Variants in DYRK3 observed in about 807,000 individuals in gnomAD.
The protein encoded by DYRK3 is dual specificity tyrosine-phosphorylation-regulated kinase 3.
Under a neutral mutation model 40.8 loss-of-function variants are expected in DYRK3, and 30 were observed. The ratio of observed to expected loss-of-function variants is 0.74; its 90% CI spans 0.55 to 1.00. DYRK3 has a LOEUF of 1.00. DYRK3 is among the 50% of genes least tolerant of loss of function. The pLI is 0.00. For missense variants in DYRK3, 699 were observed against 731.5 expected, an observed-to-expected ratio of 0.96 and a Z score of 0.51; for synonymous variants, 272 against 260.7, an observed-to-expected ratio of 1.04 and a Z score of -0.42.
chr1:206,644,031 C>CTTTTTT (rs556718022), intron 2 of DYRK3, among the ~76,000 whole-genome samples: 2,317 of 100,904 alleles, frequency 0.023, 240 homozygotes, highest in African/African-American at 0.039. Flanking sequence ...GGACCTACAG[C>CTTTTTT]TTTTTTTTTT....
In DYRK3 at chr1:206,648,107, GTT is replaced by G. The variant is rs782387740; in HGVS notation, c.911_912del (p.Phe304SerfsTer4). 6.2e-7 allele frequency: 1 copy of G among 1,614,076 alleles called. No homozygotes were observed. Among genetic ancestry groups the G allele is most frequent in the Non-Finnish European group, 8.5e-7 (1 of 1,180,012 alleles). ...TTTATGAGCTGATTAAAAAAAATAA[GTT>G]TCAGGGTTTTAGCGTCCAGTTGGTA... Reference protein sequence around the residue: ...DLYELIKKNKFQGFSVQLVRK... With the variant: ...DLYELIKKNKXQGFSVQLVRK... On this transcript the variant is annotated frameshift_variant, in exon 3 of 3. Transcript: ENST00000367109. LOFTEE classifies it high-confidence loss of function.
chr1:206,635,540 C>T lies in DYRK3; in HGVS notation c.-164C>T. The T allele has an allele frequency of 9.5e-6, 9 of 946,840 alleles. No individual in the cohort carries two copies. The highest frequency in any genetic ancestry group is 1.2e-5 in the Non-Finnish European group (9 of 728,682). 58.7% of individuals were successfully genotyped at this position (946,840 alleles called of 1,614,324 possible). The stretch of plus-strand genomic sequence containing the variant: ...CCCCTGGAGCTGCGTCTCCCCACTT[C>T]CCAGCCGGGGCCAGTCGGGAGCGAA... On this transcript the variant is annotated 5_prime_UTR_variant, in exon 1 of 3. Transcript: ENST00000367109.
In DYRK3 at chr1:206,637,786, T is replaced by C. The variant is rs80147352; in HGVS notation, c.189+25T>C. 4,230 of 1,557,192 alleles carry C rather than the reference T, an allele frequency of 2.7e-3. 95 individuals carry two copies. The African/African-American group carries it at 0.049, about 18-fold the overall frequency. On this transcript the variant is annotated intron_variant, in intron 2 of 2. Transcript: ENST00000367109. The stretch of plus-strand genomic sequence containing the variant: ...TGTAAGTAAAAGAAGTCATTCTTTG[T>C]ACATGAATTGTTTTGGAAAGGAGGA...
intron 2 of DYRK3, among the ~76,000 whole-genome samples, chr1:206,644,569 C>A (rs1553419800): frequency 6.6e-6 from 1 of 152,130 alleles, no homozygotes; most frequent in Non-Finnish European, 1.5e-5. Flanking sequence ...CAAATTTATT[C>A]CCTAATAGAT....
intron 1 of DYRK3, chr1:206,636,045 T>C: frequency 1.4e-6 from 2 of 1,480,548 alleles, no homozygotes; most frequent in South Asian, 2.6e-5. Context: ...TCTGAAACCC[T>C]AGATCGGGGT....
intron 2 of DYRK3, among the ~76,000 whole-genome samples, chr1:206,639,761 A>G (rs1237051477): frequency 6.6e-6 from 1 of 151,768 alleles, no homozygotes; most frequent in African/African-American, 2.4e-5. Flanking sequence ...CGCCCAGCCA[A>G]GTCATTTTTA....
chr1:206,651,585 T>G lies in DYRK3; in HGVS notation c.*2620T>G, dbSNP rs951567695. Among the ~76,000 whole-genome samples the G allele has an allele frequency of 6.6e-6, 1 of 152,218 alleles. No individual in the cohort carries two copies. Among genetic ancestry groups the G allele is most frequent in the African/African-American group, 2.4e-5 (1 of 41,460 alleles). On this transcript the variant is annotated 3_prime_UTR_variant, in exon 3 of 3. Transcript: ENST00000367109. Reference sequence around the variant, plus strand: ...CTCTTTCAGTAGATATGAGCTTACATTGACTTATGAATGGTTTTCCTGTAG... The same window carrying G: ...CTCTTTCAGTAGATATGAGCTTACAGTGACTTATGAATGGTTTTCCTGTAG...
chr1:206,639,030 G>T (rs1671201848), intron 2 of DYRK3, among the ~76,000 whole-genome samples: 1 of 151,908 alleles, frequency 6.6e-6, no homozygotes, highest in Non-Finnish European at 1.5e-5. Flanking sequence ...ACAGGCGACT[G>T]CCACCACACC....
Position 206,652,379 on chromosome 1 carries a change from C to T in DYRK3, c.*3414C>T, listed in dbSNP as rs559421108. Among the ~76,000 whole-genome samples the T allele has an allele frequency of 2.0e-5, 3 of 152,204 alleles. No individual in the cohort carries two copies. Among genetic ancestry groups the T allele is most frequent in the African/African-American group, 7.2e-5 (3 of 41,514 alleles). ...AGTTCTAGCCAGTACTGTGCCTGAACTTGGGAGAGAAAGGGGCCTGTGGCT... is the reference window on the plus strand; with the variant it reads ...AGTTCTAGCCAGTACTGTGCCTGAATTTGGGAGAGAAAGGGGCCTGTGGCT... On this transcript the variant is annotated 3_prime_UTR_variant, in exon 3 of 3. Coordinates refer to ENST00000367109, the MANE Select transcript of DYRK3 (RefSeq NM_003582.4).
At chr1:206,637,589 A>C in intron 1 of DYRK3, 61 bp from the exon 2 acceptor site, 1 of 1,165,918 alleles carries the variant, frequency 8.6e-7, no homozygotes, top group Non-Finnish European at 1.3e-6. Context: ...GAAGCAGTTA[A>C]GACATAGGAT....
chr1:206,637,776 T>A lies in DYRK3; in HGVS notation c.189+15T>A. The A allele has an allele frequency of 6.4e-7, 1 of 1,572,898 alleles. No homozygotes were observed. The highest frequency in any genetic ancestry group is 1.1e-5 in the South Asian group (1 of 90,086). On this transcript the variant is annotated intron_variant, in intron 2 of 2. Transcript: ENST00000367109. ...GAAGACTAAATGTAAGTAAAAGAAG[T>A]CATTCTTTGTACATGAATTGTTTTG...
At chr1:206,647,191 C>T (rs1671479695) in intron 2 of DYRK3, among the ~76,000 whole-genome samples, 197 bp from the exon 3 acceptor site, 2 of 151,988 alleles carry the variant, frequency 1.3e-5, no homozygotes, top group Non-Finnish European at 1.5e-5. Context: ...TAGGGATGGC[C>T]GCAATATTCA....
Position 206,648,170 on chromosome 1 carries a change from T to A in DYRK3, c.972T>A (p.Asp324Glu). The A allele has an allele frequency of 6.2e-7, 1 of 1,614,150 alleles. No homozygotes were observed. The highest frequency in any genetic ancestry group is 8.5e-7 in the Non-Finnish European group (1 of 1,180,024). ...CCCAGTCCATCTTGCAATCTTTGGATGCCCTCCACAAAAATAAGATTATTC... is the reference window on the plus strand; with the variant it reads ...CCCAGTCCATCTTGCAATCTTTGGAAGCCCTCCACAAAAATAAGATTATTC... The part of the protein sequence containing the change: ...KFAQSILQSL[D>E]ALHKNKIIHC... Residue 324 changes from aspartate to glutamate, a missense_variant, in exon 3 of 3, where the codon GAT (aspartate) becomes GAA (glutamate). Asp to Glu is a conservative substitution (Grantham distance 45). Coordinates refer to ENST00000367109, the MANE Select transcript of DYRK3 (RefSeq NM_003582.4).
At position 206,648,899 on chromosome 1, in the gene DYRK3, T is replaced by C. The variant is rs1314350128; in HGVS notation, c.1701T>C (p.Ala567=). ...TTGGAATAGCCAATAAGCTTAAAGC[T>C]AACTTAATGTCAGAAACCAATGGTA... ...PVVGIANKLK[A]NLMSETNGSI... The change falls in exon 3 of 3, where the codon GCT becomes GCC. Residue 567 remains alanine, a synonymous_variant. Transcript: ENST00000367109. 3.7e-6 allele frequency: 6 copies of C among 1,614,078 alleles called. No homozygotes were observed. The highest frequency in any genetic ancestry group is 1.7e-5 in the Admixed American group (1 of 60,004).
Position 206,651,944 on chromosome 1 carries a change from C to G in DYRK3, c.*2979C>G, listed in dbSNP as rs536767826. On this transcript the variant is annotated 3_prime_UTR_variant, in exon 3 of 3. Coordinates refer to ENST00000367109, the MANE Select transcript of DYRK3 (RefSeq NM_003582.4). ...CCTTGGGATGTTTGGACAGAATGAT[C>G]TGGCTTGATGTATTTCTTGGGCTCT... 1.6e-4 allele frequency among the ~76,000 whole-genome samples: 25 copies of G among 152,350 alleles called. No homozygotes were observed. The highest frequency in any genetic ancestry group is 1.5e-3 in the Admixed American group (23 of 15,298).
intron 2 of DYRK3, among the ~76,000 whole-genome samples, chr1:206,639,742 A>C (rs1212748075): frequency 6.6e-6 from 1 of 151,408 alleles, no homozygotes; most frequent in Non-Finnish European, 1.5e-5. Flanking sequence ...TTACAGGCGC[A>C]AGCCACCGCG....
rs1671593263 is a variant in DYRK3, at chr1:206,650,116, GA to G, written c.*1152del. Among the ~76,000 whole-genome samples, 1 of 152,230 alleles carries G rather than the reference GA, an allele frequency of 6.6e-6. No homozygotes were observed. The highest frequency in any genetic ancestry group is 2.4e-5 in the African/African-American group (1 of 41,450). On this transcript the variant is annotated 3_prime_UTR_variant, in exon 3 of 3. Coordinates refer to ENST00000367109, the MANE Select transcript of DYRK3 (RefSeq NM_003582.4). Reference sequence around the variant, plus strand: ...TGCTAAGATTTAAACAGTGAGGGCTGATAATAAAACTAATTGTTAAGCCAGT... The same window carrying G: ...TGCTAAGATTTAAACAGTGAGGGCTGTAATAAAACTAATTGTTAAGCCAGT...
rs1553420856 is a variant in DYRK3, at chr1:206,648,770, G to A, written c.1572G>A (p.Lys524=). The change falls in exon 3 of 3, where the codon AAG becomes AAA. Residue 524 remains lysine, a synonymous_variant. Coordinates refer to ENST00000367109, the MANE Select transcript of DYRK3 (RefSeq NM_003582.4). ...AQALRHPWIS[K]SVPRPLTTID... is the part of the protein sequence containing the mutation. The stretch of plus-strand genomic sequence containing the variant: ...CATTAAGACACCCTTGGATTAGCAA[G>A]TCTGTCCCCAGACCTCTCACCACCA... 1.2e-6 allele frequency: 2 copies of A among 1,614,188 alleles called. No homozygotes were observed. The highest frequency in any genetic ancestry group is 1.7e-6 in the Non-Finnish European group (2 of 1,180,022).
Position 206,647,860 on chromosome 1 carries a change from G to A in DYRK3, c.662G>A (p.Gly221Glu). ...VLKIIGKGSF[G>E]QVARVYDHKL... ...AAAATTATTGGCAAGGGGAGTTTTGGGCAGGTGGCCAGGGTCTATGATCAC... is the reference window on the plus strand; with the variant it reads ...AAAATTATTGGCAAGGGGAGTTTTGAGCAGGTGGCCAGGGTCTATGATCAC... The change falls in exon 3 of 3, where the codon GGG (glycine) becomes GAG (glutamate). Residue 221 changes from glycine to glutamate, a missense_variant. Transcript: ENST00000367109. 3.1e-6 allele frequency: 5 copies of A among 1,614,042 alleles called. No homozygotes were observed. Among genetic ancestry groups the A allele is most frequent in the Non-Finnish European group, 4.2e-6 (5 of 1,180,012 alleles).
Sources: allele counts gnomAD v4.1 joint callset (sites outside exome capture counted in the v4.1 genomes callset), GRCh38; gene constraint gnomAD v4.1.1; transcripts MANE v1.5; gene names NCBI Gene and HGNC (gene_info 2026-07-23, HGNC 2026-07-21).